The following RAVER2 variants were observed in gnomAD, a reference collection of about 807,000 sequenced individuals.
RAVER2 encodes the protein ribonucleoprotein PTB-binding 2.
In RAVER2, 46 loss-of-function variants were observed where a neutral mutation model predicts 78.1. That is an observed-to-expected ratio of 0.59 (90% CI 0.46 to 0.75). The LOEUF (loss-of-function observed/expected upper bound fraction) is 0.75, where lower values mean the gene tolerates loss of function less well. Among genes scored for constraint, RAVER2 ranks in the 30% least tolerant of loss-of-function variants. The pLI, the probability that RAVER2 is intolerant of heterozygous loss-of-function variation, is 0.00. For missense variants in RAVER2, 793 were observed against 837.5 expected, an observed-to-expected ratio of 0.95 and a Z score of 0.66; for synonymous variants, 311 against 313.3, an observed-to-expected ratio of 0.99 and a Z score of 0.08.
chr1:64,789,829 TATA>T (rs1652887388), intron 5 of RAVER2, among the ~76,000 whole-genome samples: 1 of 152,188 alleles, frequency 6.6e-6, no homozygotes, highest in African/African-American at 2.4e-5. Flanking sequence ...ACTACATTGT[TATA>T]ACCTATATTA....
intron 11 of RAVER2, among the ~76,000 whole-genome samples, chr1:64,823,516 C>G (rs1653935000): frequency 6.6e-6 from 1 of 152,126 alleles, no homozygotes; most frequent in Non-Finnish European, 1.5e-5. Context: ...TATGAATGTA[C>G]AAATTGAGTT....
chr1:64,812,694 T>G (rs763063626), intron 9 of RAVER2, 44 bp from the exon 10 acceptor site: 75 of 1,280,452 alleles, frequency 5.9e-5, no homozygotes, highest in Non-Finnish European at 8.0e-5. Context: ...TTTATTTTCG[T>G]GTACCTCTCA....
chr1:64,769,491 T>C (rs72918078), intron 2 of RAVER2, among the ~76,000 whole-genome samples: 3,409 of 152,188 alleles, frequency 0.022, 147 homozygotes, highest in African/African-American at 0.078. Context: ...CAAATTCTTG[T>C]TCTTTTTCTT....
At chr1:64,757,079 C>T (rs1651875245) in intron 1 of RAVER2, among the ~76,000 whole-genome samples, 1 of 152,202 alleles carries the variant, frequency 6.6e-6, no homozygotes, top group Non-Finnish European at 1.5e-5. Context: ...TTTTCCCATT[C>T]ACTATTCTTT....
At chr1:64,763,181 C>T (rs897127611) in intron 1 of RAVER2, among the ~76,000 whole-genome samples, 1 of 152,086 alleles carries the variant, frequency 6.6e-6, no homozygotes, top group Non-Finnish European at 1.5e-5. Flanking sequence ...CCTGTAGTCC[C>T]AGCTACTCAG....
In RAVER2 at chr1:64,812,754, A is replaced by G. The variant is rs527917412; in HGVS notation, c.1697A>G (p.Gln566Arg). 3 of 1,611,450 alleles carry G rather than the reference A, an allele frequency of 1.9e-6. No individual in the cohort carries two copies. The South Asian group carries it at 3.3e-5, about 18-fold the overall frequency. The change falls in exon 10 of 12, where the codon CAA becomes CGA. Residue 566 changes from glutamine (Q) to arginine (R), a missense_variant. Transcript: ENST00000294428. ...GTTAAATAGGCTGCCTCTAAGAATC[A>G]AACTTCACTCTTGGGAGAACCACCA...
Position 64,820,076 on chromosome 1 carries a change from T to G in RAVER2, c.1929+5236T>G, listed in dbSNP as rs527650533. Among the ~76,000 whole-genome samples the G allele has an allele frequency of 2.6e-5, 4 of 152,292 alleles. No homozygotes were observed. In the South Asian group the frequency reaches 8.3e-4, roughly 32 times the overall value. On this transcript the variant is annotated intron_variant, in intron 11 of 11. Coordinates refer to ENST00000294428, the Ensembl canonical transcript of RAVER2. The stretch of plus-strand genomic sequence containing the variant: ...ATAGTGTAAAGGACAATAAGGTAAA[T>G]GAAATTATGGTTTTGGGGTTATAAT...
intron 1 of RAVER2, among the ~76,000 whole-genome samples, chr1:64,758,171 T>C (rs946727191): frequency 6.6e-6 from 1 of 152,190 alleles, no homozygotes; most frequent in African/African-American, 2.4e-5. Flanking sequence ...TTAAGATATT[T>C]TGTGTGAAGT....
intron 1 of RAVER2, among the ~76,000 whole-genome samples, chr1:64,749,431 G>A (rs1258181518): frequency 1.3e-5 from 2 of 152,054 alleles, no homozygotes; most frequent in African/African-American, 2.4e-5. Context: ...GGCTGCTCTC[G>A]AATGCCTGAC....
rs549278120 is a variant in RAVER2 at position 64,794,392 on chromosome 1, C to T, written c.1105+4878C>T. 2.5e-4 allele frequency among the ~76,000 whole-genome samples: 33 copies of T among 131,336 alleles called. No homozygotes were observed. The South Asian group carries it at 6.6e-3, about 26-fold the overall frequency. The allele number at this position is 131,336 out of a possible 152,430, so 86.2% of individuals were successfully genotyped here. A position where few individuals can be genotyped will look rare whatever the true frequency, so the allele number is the denominator to read the frequency against. On this transcript the variant is annotated intron_variant, in intron 5 of 11. Transcript: ENST00000294428. The stretch of plus-strand genomic sequence containing the variant: ...CAGCCTGGGTGACAAATGGGGACTC[C>T]GTCTCAAAAAAAAAAAAAAAAAAAA...
intron 1 of RAVER2, among the ~76,000 whole-genome samples, chr1:64,760,771 C>A (rs1651997840): frequency 6.6e-6 from 1 of 150,810 alleles, no homozygotes; most frequent in South Asian, 2.1e-4. Flanking sequence ...TGGTAGACAT[C>A]CCAAATGTTG....
At chr1:64,746,047 G>A (rs1651527865) in intron 1 of RAVER2, among the ~76,000 whole-genome samples, 2 of 152,214 alleles carry the variant, frequency 1.3e-5, no homozygotes, top group South Asian at 2.1e-4. Flanking sequence ...AGTACTGGAG[G>A]GTTTGTTCTC....
chr1:64,814,162 T>TGGAGTG (rs1653698222), intron 10 of RAVER2, among the ~76,000 whole-genome samples: 1 of 152,278 alleles, frequency 6.6e-6, no homozygotes, highest in African/African-American at 2.4e-5. Context: ...TGGCATCATC[T>TGGAGTG]CGGCTCACTG....
At position 64,745,340 on chromosome 1, in the gene RAVER2, G is replaced by C. The variant is rs751407200; in HGVS notation, c.168G>C (p.Ala56=). 6 of 1,540,248 alleles carry C rather than the reference G, an allele frequency of 3.9e-6. No homozygotes were observed. The highest frequency in any genetic ancestry group is 5.0e-5 in the East Asian group (2 of 39,786). The stretch of plus-strand genomic sequence containing the variant: ...CGCTGCACCCTGAGGAGGTCGCCGC[G>C]CGACTGCAGCGGATGCAGCGGGAGC... Residue 56 remains alanine, a synonymous_variant, in exon 1 of 12, where the codon GCG becomes GCC. Transcript: ENST00000294428. The surrounding 1 kb of genome is among the most constrained non-coding windows in gnomAD (Gnocchi z 4.3).
rs556204696 is a variant in RAVER2 at position 64,788,473 on chromosome 1, A to G, written c.979-915A>G. Among the ~76,000 whole-genome samples, 320 of 151,350 alleles carry G rather than the reference A, an allele frequency of 2.1e-3. 4 individuals are homozygous for G. The highest frequency in any genetic ancestry group is 0.02 in the South Asian group (94 of 4,760). On this transcript the variant is annotated intron_variant, in intron 4 of 11. Transcript: ENST00000294428. Reference sequence around the variant, plus strand: ...GGCAACAGAGTGAGACTCCGTCTCAAAAAATAAAAATAAAAAAACAATAAT... The same window carrying G: ...GGCAACAGAGTGAGACTCCGTCTCAGAAAATAAAAATAAAAAAACAATAAT...
At chr1:64,797,923 T>C (rs1225012217) in intron 5 of RAVER2, among the ~76,000 whole-genome samples, 12 of 151,452 alleles carry the variant, frequency 7.9e-5, no homozygotes, top group African/African-American at 2.7e-4. Context: ...TTTTTTTTTT[T>C]CTTTTTTTTT....
intron 1 of RAVER2, among the ~76,000 whole-genome samples, chr1:64,757,958 A>C (rs1651898815): frequency 6.6e-6 from 1 of 152,070 alleles, no homozygotes; most frequent in African/African-American, 2.4e-5. Flanking sequence ...TTACATAGGC[A>C]TCTCCCATCA....
At chr1:64,754,612 T>C (rs1181745821) in intron 1 of RAVER2, among the ~76,000 whole-genome samples, 4 of 152,242 alleles carry the variant, frequency 2.6e-5, no homozygotes, top group South Asian at 2.1e-4. Context: ...TAAGAGTCTG[T>C]TGAAAGCTGT....
At chr1:64,786,186 A>G (rs1652774765) in intron 4 of RAVER2, among the ~76,000 whole-genome samples, 2 of 152,154 alleles carry the variant, frequency 1.3e-5, no homozygotes, top group African/African-American at 2.4e-5. Context: ...TTCTTTTTAA[A>G]TGGAAGTTTT....
Sources: allele counts gnomAD v4.1 joint callset (sites outside exome capture counted in the v4.1 genomes callset), GRCh38; gene constraint gnomAD v4.1.1; non-coding constraint Gnocchi (gnomAD v3.1); transcripts MANE v1.5; gene names NCBI Gene and HGNC (gene_info 2026-07-23, HGNC 2026-07-21).